Variants in COP1 observed in about 807,000 individuals in gnomAD.
COP1 encodes COP1 E3 ubiquitin ligase, also known as E3 ubiquitin-protein ligase COP1.
In COP1, 24 loss-of-function variants were observed where a neutral mutation model predicts 101.3. The ratio of observed to expected loss-of-function variants is 0.24; its 90% CI spans 0.17 to 0.33. The LOEUF (loss-of-function observed/expected upper bound fraction) is 0.33, where lower values mean the gene tolerates loss of function less well. Ranked by LOEUF, COP1 falls within the 10% of genes least tolerant of loss-of-function variation. The pLI is 1.00. For missense variants in COP1, 663 were observed against 906.2 expected (o/e 0.73, Z 3.45); for synonymous variants, 347 against 341.9 (o/e 1.01, Z -0.17).
At chr1:175,999,769 T>C (rs1054597566) in intron 15 of COP1, among the ~76,000 whole-genome samples, 1 of 152,096 alleles carries the variant, frequency 6.6e-6, no homozygotes, top group Non-Finnish European at 1.5e-5. Context: ...CTCACCAGCA[T>C]TTGTTTACTG....
At chr1:176,187,141 TTGAGACAG>T (rs1698559262) in intron 1 of COP1, among the ~76,000 whole-genome samples, 1 of 152,148 alleles carries the variant, frequency 6.6e-6, no homozygotes, top group South Asian at 2.1e-4. Flanking sequence ...CATTCTTTTT[TTGAGACAG>T]TGTCTCACTC....
intron 15 of COP1, among the ~76,000 whole-genome samples, chr1:176,012,670 A>AT (rs910127066): frequency 6.0e-5 from 9 of 151,194 alleles, no homozygotes; most frequent in Middle Eastern, 3.4e-3. Context: ...AAGGTGTACC[A>AT]TTTTTTTTTT....
chr1:176,193,951 CA>C (rs1478058311), intron 1 of COP1, among the ~76,000 whole-genome samples: 1 of 152,152 alleles, frequency 6.6e-6, no homozygotes, highest in Non-Finnish European at 1.5e-5. Context: ...AATTTCACCT[CA>C]TTTTTTTAAA....
intron 11 of COP1, among the ~76,000 whole-genome samples, chr1:176,050,029 T>C (rs1000019936): frequency 6.6e-6 from 1 of 152,206 alleles, no homozygotes; most frequent in South Asian, 2.1e-4. Flanking sequence ...GCAGTAATAA[T>C]TAAAACAAGA....
chr1:176,152,263 T>C (rs1220683770), intron 5 of COP1, among the ~76,000 whole-genome samples: 1 of 143,726 alleles, frequency 7.0e-6, no homozygotes, highest in Non-Finnish European at 1.5e-5. Context: ...TTCTCTCTCC[T>C]AAAAAAAAAA....
intron 8 of COP1, among the ~76,000 whole-genome samples, chr1:176,123,607 C>T (rs1042989922): frequency 6.6e-6 from 1 of 151,998 alleles, no homozygotes; most frequent in South Asian, 2.1e-4. Context: ...TTTACAGAGA[C>T]TTGATTTTTA....
intron 8 of COP1, among the ~76,000 whole-genome samples, chr1:176,126,017 G>T (rs902435849): frequency 6.6e-6 from 1 of 151,842 alleles, no homozygotes; most frequent in East Asian, 1.9e-4. Context: ...TTTTCACATC[G>T]TTCACTGCTG....
At chr1:175,996,736 G>A (rs369948695) in intron 15 of COP1, among the ~76,000 whole-genome samples, 19 of 151,620 alleles carry the variant, frequency 1.3e-4, no homozygotes, top group South Asian at 6.3e-4. Flanking sequence ...CCACTGCTCA[G>A]TGAAATAAAA....
intron 6 of COP1, among the ~76,000 whole-genome samples, chr1:176,144,055 G>A (rs547119678): frequency 6.6e-6 from 1 of 152,210 alleles, no homozygotes; most frequent in South Asian, 2.1e-4. Flanking sequence ...ATCAAGACTA[G>A]GATGCCCCGC....
chr1:176,087,807 T>G (rs1198584994), intron 9 of COP1, among the ~76,000 whole-genome samples: 1 of 152,184 alleles, frequency 6.6e-6, no homozygotes, highest in Non-Finnish European at 1.5e-5. Flanking sequence ...CATGCACATG[T>G]ATGTTTATTG....
intron 8 of COP1, among the ~76,000 whole-genome samples, chr1:176,118,712 G>A (rs1686610274): frequency 6.6e-6 from 1 of 152,052 alleles, no homozygotes; most frequent in South Asian, 2.1e-4. Context: ...GCTATGCATC[G>A]CTGCATTCCA....
At chr1:176,003,486 C>A (rs1388912407) in intron 15 of COP1, among the ~76,000 whole-genome samples, 1 of 151,798 alleles carries the variant, frequency 6.6e-6, no homozygotes, top group Non-Finnish European at 1.5e-5. Flanking sequence ...GGTTTTAGGT[C>A]TAACATGTAA....
At chr1:176,171,124 C>CAAAAAAA (rs1174700907) in intron 3 of COP1, among the ~76,000 whole-genome samples, 1 of 56,836 alleles carries the variant, frequency 1.8e-5, no homozygotes, top group African/African-American at 7.0e-5. Context: ...GACTCCATCT[C>CAAAAAAA]AAAAAAAAAA....
chr1:176,188,288 A>G (rs1267414938), intron 1 of COP1, among the ~76,000 whole-genome samples: 1 of 152,194 alleles, frequency 6.6e-6, no homozygotes. Context: ...GAATAAAGAA[A>G]GAAGGGCTGG....
chr1:175,994,688 G>C (rs1302334997), intron 15 of COP1, among the ~76,000 whole-genome samples: 2 of 152,344 alleles, frequency 1.3e-5, no homozygotes, highest in East Asian at 3.9e-4. Flanking sequence ...TCAACAAGAA[G>C]AGCTAACTAT....
chr1:175,985,983 T>C (rs191706688), intron 18 of COP1, among the ~76,000 whole-genome samples: 64 of 152,332 alleles, frequency 4.2e-4, no homozygotes, highest in African/African-American at 1.3e-3. Flanking sequence ...AAAAATATGA[T>C]ACTAATAACT....
chr1:175,971,337 G>A (rs983851777), intron 18 of COP1, among the ~76,000 whole-genome samples: 3 of 151,866 alleles, frequency 2.0e-5, no homozygotes. Flanking sequence ...TGGTCATTTG[G>A]GTCCTTGAAA....
rs1696898252 is a variant in COP1, at chr1:176,176,115, T to C, written c.468-108A>G. 3 of 596,298 alleles carry C rather than the reference T, an allele frequency of 5.0e-6. No individual in the cohort carries two copies. In the South Asian group the frequency reaches 6.5e-5, roughly 13 times the overall value. 36.9% of individuals were successfully genotyped at this position (596,298 alleles called of 1,614,324 possible). Reference sequence around the variant, plus strand: ...TTCTATTCCTCATTTTCAACATAACTAATCTAATAAATTTATTTTTGCTTA... The same window carrying C: ...TTCTATTCCTCATTTTCAACATAACCAATCTAATAAATTTATTTTTGCTTA... On this transcript the variant is annotated intron_variant, in intron 2 of 19. Coordinates refer to ENST00000367669, the MANE Select transcript of COP1 (RefSeq NM_022457.7).
At chr1:176,031,951 T>C (rs148882772) in intron 14 of COP1, among the ~76,000 whole-genome samples, 51 of 152,326 alleles carry the variant, frequency 3.3e-4, no homozygotes, top group African/African-American at 1.0e-3. Context: ...TTATCTATAA[T>C]AACATCAGAT....
Sources: gnomAD v4.1 joint callset for allele counts (sites outside exome capture counted in the v4.1 genomes callset) on GRCh38, gnomAD v4.1.1 for gene constraint, MANE v1.5 for transcripts, NCBI Gene and HGNC (gene_info 2026-07-23, HGNC 2026-07-21) for gene names.